Variants in POT1 observed in about 807,000 individuals in gnomAD.
The protein encoded by POT1 is protection of telomeres protein 1.
Under a neutral mutation model 78.5 loss-of-function variants are expected in POT1, and 47 were observed. The ratio of observed to expected loss-of-function variants is 0.60; its 90% CI spans 0.47 to 0.76. The LOEUF (loss-of-function observed/expected upper bound fraction) is 0.76, where lower values mean the gene tolerates loss of function less well. Among genes scored for constraint, POT1 ranks in the 30% least tolerant of loss-of-function variants. The pLI is 0.00. For missense variants in POT1, 646 were observed against 749.9 expected, an observed-to-expected ratio of 0.86 and a Z score of 1.62; for synonymous variants, 259 against 260.7, an observed-to-expected ratio of 0.99 and a Z score of 0.06.
chr7:124,908,922 G>T (rs1188401584), intron 3 of POT1, among the ~76,000 whole-genome samples: 1 of 151,822 alleles, frequency 6.6e-6, no homozygotes, highest in East Asian at 1.9e-4. Flanking sequence ...GGACCTTAGA[G>T]ACCATGTAAT....
intron 6 of POT1, among the ~76,000 whole-genome samples, chr7:124,886,556 T>C (rs1024222724): frequency 1.1e-4 from 16 of 152,162 alleles, no homozygotes; most frequent in Non-Finnish European, 1.9e-4. Context: ...TTAAGATTTA[T>C]TTAAAAGCTT....
intron 6 of POT1, among the ~76,000 whole-genome samples, chr7:124,891,960 C>T (rs1193975687): frequency 6.6e-6 from 1 of 151,536 alleles, no homozygotes; most frequent in Non-Finnish European, 1.5e-5. Context: ...TACAGAATTG[C>T]AGTATTCTGC....
intron 6 of POT1, among the ~76,000 whole-genome samples, chr7:124,879,120 A>G (rs1344132628): frequency 6.6e-6 from 1 of 152,220 alleles, no homozygotes; most frequent in Non-Finnish European, 1.5e-5. Flanking sequence ...ACCACATGGT[A>G]ACACTTCTAA....
At chr7:124,925,688 G>A (rs577362486) in intron 2 of POT1, among the ~76,000 whole-genome samples, 1 of 151,968 alleles carries the variant, frequency 6.6e-6, no homozygotes, top group African/African-American at 2.4e-5. Context: ...GGAGGTACAC[G>A]TTGCCTCACT....
At chr7:124,926,354 CA>C (rs1266440735) in intron 2 of POT1, among the ~76,000 whole-genome samples, 1 of 152,064 alleles carries the variant, frequency 6.6e-6, no homozygotes, top group Non-Finnish European at 1.5e-5. Flanking sequence ...TATAACTAAT[CA>C]TCAGTAAAAT....
At chr7:124,922,473 T>G (rs1409680449) in intron 2 of POT1, among the ~76,000 whole-genome samples, 1 of 151,636 alleles carries the variant, frequency 6.6e-6, no homozygotes, top group Non-Finnish European at 1.5e-5. Context: ...AACAGGGGAG[T>G]GAGTAAATGG....
intron 9 of POT1, among the ~76,000 whole-genome samples, chr7:124,857,532 C>G (rs1248123184): frequency 6.6e-6 from 1 of 152,186 alleles, no homozygotes; most frequent in African/African-American, 2.4e-5. Context: ...GCTCAGCCGG[C>G]AGAGGGAAGA....
intron 4 of POT1, among the ~76,000 whole-genome samples, chr7:124,897,932 G>A (rs948251307): frequency 6.6e-6 from 1 of 151,834 alleles, no homozygotes. Context: ...CCTAAAGAGG[G>A]GTAGTTGATT....
intron 3 of POT1, among the ~76,000 whole-genome samples, chr7:124,913,842 CA>C (rs1796950072): frequency 6.6e-6 from 1 of 151,990 alleles, no homozygotes; most frequent in African/African-American, 2.4e-5. Context: ...TGATCCTTGT[CA>C]AAAAATTACT....
At chr7:124,904,604 C>T (rs1796712422) in intron 3 of POT1, among the ~76,000 whole-genome samples, 1 of 152,226 alleles carries the variant, frequency 6.6e-6, no homozygotes, top group East Asian at 1.9e-4. Flanking sequence ...GATGCCCTCT[C>T]TCACCACTCC....
chr7:124,832,252 CAAAAAAAAA>C (rs372881075), intron 15 of POT1, among the ~76,000 whole-genome samples: 2 of 75,646 alleles, frequency 2.6e-5, no homozygotes, highest in Non-Finnish European at 4.7e-5. Flanking sequence ...ACACTGTCTC[CAAAAAAAAA>C]AAAAAAAAAA....
chr7:124,852,979 G>A lies in POT1; in HGVS notation c.862C>T (p.Leu288=), dbSNP rs199583149. Residue 288 remains leucine, a synonymous_variant, in exon 10 of 19, where the codon CTG becomes TTG. Coordinates refer to ENST00000357628, the MANE Select transcript of POT1 (RefSeq NM_015450.3). ...TAAATACTAAAAGCTTACTTTTTCA[G>A]TTGATCCACATCAGAGTTACTTTCT... ...LPESNSDVDQ[L]KKDLESANLT... is the part of the protein sequence containing the mutation. 93 of 1,607,916 alleles carry A rather than the reference G, an allele frequency of 5.8e-5. 1 individual carries two copies. In the South Asian group the frequency reaches 7.5e-4, roughly 13 times the overall value.
intron 3 of POT1, among the ~76,000 whole-genome samples, chr7:124,915,138 TA>T: frequency 6.6e-6 from 1 of 152,266 alleles, no homozygotes; most frequent in Middle Eastern, 3.4e-3. Flanking sequence ...GATATATACT[TA>T]GTAGTCAGTA....
At chr7:124,919,892 C>T (rs912218522) in intron 2 of POT1, among the ~76,000 whole-genome samples, 11 of 151,684 alleles carry the variant, frequency 7.3e-5, no homozygotes, top group Non-Finnish European at 1.3e-4. Context: ...ATGTACCTGT[C>T]CCTGCCCCCA....
At chr7:124,904,929 C>T (rs946756842) in intron 3 of POT1, among the ~76,000 whole-genome samples, 1 of 152,192 alleles carries the variant, frequency 6.6e-6, no homozygotes, top group Non-Finnish European at 1.5e-5. Context: ...AGGAATCCAA[C>T]TTACAAGGGA....
rs1481479337 is a variant in POT1, at chr7:124,928,812, T to C, written c.-227+3A>G. 2 of 152,628 alleles carry C rather than the reference T, an allele frequency of 1.3e-5. No homozygotes were observed. The highest frequency in any genetic ancestry group is 4.8e-5 in the African/African-American group (2 of 41,450). The allele number at this position is 152,628 out of a possible 1,614,324, so 9.5% of individuals were successfully genotyped here. Reference sequence around the variant, plus strand: ...AAGCATTCTGAGTTATAGAAATTCTTACCTGAATATATTTCTTGCTATAAT... The same window carrying C: ...AAGCATTCTGAGTTATAGAAATTCTCACCTGAATATATTTCTTGCTATAAT... On this transcript the variant is annotated splice_donor_region_variant and intron_variant, in intron 2 of 18. Coordinates refer to ENST00000357628, the MANE Select transcript of POT1 (RefSeq NM_015450.3).
rs201894707 is a variant in POT1, at chr7:124,835,361, G to T, written c.1423C>A (p.Pro475Thr). 1 of 1,614,004 alleles carries T rather than the reference G, an allele frequency of 6.2e-7. No individual in the cohort carries two copies. The highest frequency in any genetic ancestry group is 8.5e-7 in the Non-Finnish European group (1 of 1,179,916). Residue 475 changes from proline to threonine, a missense_variant, in exon 15 of 19, where the codon CCT becomes ACT. By Grantham distance (38) the Pro-to-Thr change is conservative (BLOSUM62 -1). Around this residue, in one of 2 missense-constraint regions of POT1, gnomAD observed 394 missense variants for 408.4 expected, o/e 0.96. Transcript: ENST00000357628. ...AGGTCTTCGTGGCCAGATCTCACAG[G>T]AATTACACTATTAAACTTGTTCGAG... Reference protein sequence around the residue: ...KLSNKFNSVIPVRSGHEDLEL... With the variant: ...KLSNKFNSVITVRSGHEDLEL...
intron 12 of POT1, among the ~76,000 whole-genome samples, chr7:124,844,282 C>T (rs1251266898): frequency 6.6e-6 from 1 of 151,428 alleles, no homozygotes; most frequent in Non-Finnish European, 1.5e-5. Flanking sequence ...GCATGCACCA[C>T]CACGCCCAGC....
intron 6 of POT1, among the ~76,000 whole-genome samples, chr7:124,890,009 C>G (rs1796331957): frequency 6.6e-6 from 1 of 151,728 alleles, no homozygotes; most frequent in Non-Finnish European, 1.5e-5. Flanking sequence ...AAGGCTATAC[C>G]CACCATAGAT....
Sources: allele counts gnomAD v4.1 joint callset (sites outside exome capture counted in the v4.1 genomes callset), GRCh38; gene constraint gnomAD v4.1.1; regional missense constraint gnomAD v4.1.1; transcripts MANE v1.5; gene names NCBI Gene and HGNC (gene_info 2026-07-23, HGNC 2026-07-21).